The following ZMYM1 variants were observed in gnomAD, a reference collection of about 807,000 sequenced individuals.
The protein encoded by ZMYM1 is zinc finger MYM-type protein 1.
A neutral mutation model predicts 60.0 loss-of-function variants in ZMYM1; 39 were observed. The observed-to-expected ratio is 0.65, with a 90% confidence interval of 0.50 to 0.85. The LOEUF (loss-of-function observed/expected upper bound fraction) is 0.85. Ranked by LOEUF, ZMYM1 falls within the 40% of genes least tolerant of loss-of-function variation. The pLI is 0.00. For synonymous variants in ZMYM1, 413 were observed against 454.0 expected (o/e 0.91, Z 1.15); for missense variants, 1,171 against 1,309.5 (o/e 0.89, Z 1.63).
At chr1:35,075,187 T>G (rs1404301385), upstream of ZMYM1, among the ~76,000 whole-genome samples, 9 of 152,230 alleles carry the variant, frequency 5.9e-5, no homozygotes, top group Non-Finnish European at 1.3e-4. Context: ...CTATTTTATC[T>G]GATATAAGTG....
In ZMYM1 at chr1:35,086,661, A is replaced by AT. The variant is rs930887140; in HGVS notation, c.-75+7228dup. Among the ~76,000 whole-genome samples, 6 of 150,124 alleles carry AT rather than the reference A, an allele frequency of 4.0e-5. No homozygotes were observed. The East Asian group carries it at 7.8e-4, about 20-fold the overall frequency. On this transcript the variant is annotated intron_variant, in intron 1 of 9. Coordinates refer to ENST00000359858, the MANE Select transcript of ZMYM1 (RefSeq NM_024772.5). ...TTATATTTCATTGAAATCTCATGCA[A>AT]TTTTTTTTTCAATTAAAAAATTCTT...
intron 1 of ZMYM1, among the ~76,000 whole-genome samples, chr1:35,073,686 G>T (rs751442494): frequency 2.7e-5 from 4 of 150,158 alleles, no homozygotes; most frequent in African/African-American, 7.3e-5. Flanking sequence ...AGAAAGGAAG[G>T]AAGGAAAGGA....
chr1:35,101,574 A>G (rs918043966), intron 4 of ZMYM1, among the ~76,000 whole-genome samples: 5 of 150,712 alleles, frequency 3.3e-5, no homozygotes, highest in Admixed American at 2.7e-4. Context: ...TCTGAAAGGT[A>G]TGCCTCAAAT....
intron 1 of ZMYM1, among the ~76,000 whole-genome samples, chr1:35,084,808 C>T (rs939919192): frequency 6.6e-6 from 1 of 152,062 alleles, no homozygotes; most frequent in African/African-American, 2.4e-5. Context: ...GATTTCTATG[C>T]ATATTATTTT....
At chr1:35,110,150 G>A (rs1488155173) in intron 6 of ZMYM1, 144 bp from the exon 7 acceptor site, 1 of 514,524 alleles carries the variant, frequency 1.9e-6, no homozygotes. Flanking sequence ...ATTGCAATCT[G>A]TAGTGTCTTT....
downstream of ZMYM1, among the ~76,000 whole-genome samples, chr1:35,118,117 T>C (rs1023905692): frequency 1.1e-4 from 17 of 151,800 alleles, no homozygotes; most frequent in African/African-American, 3.9e-4. Flanking sequence ...GGTGGGTGCC[T>C]GTAATTCCAG....
chr1:35,111,237 G>T (rs1404667160), intron 7 of ZMYM1, among the ~76,000 whole-genome samples: 1 of 152,178 alleles, frequency 6.6e-6, no homozygotes, highest in Non-Finnish European at 1.5e-5. Flanking sequence ...AGCCAACTAA[G>T]TATTCCATCA....
rs774716533 is a variant in ZMYM1, at chr1:35,114,508, T to C, written c.2678T>C (p.Ile893Thr). 1.9e-6 allele frequency: 3 copies of C among 1,610,834 alleles called. No homozygotes were observed. The highest frequency in any genetic ancestry group is 2.2e-5 in the East Asian group (1 of 44,806). Residue 893 changes from isoleucine to threonine, a missense_variant, in exon 10 of 10, where the codon ATA becomes ACA. By Grantham distance (89) the Ile-to-Thr change is moderately conservative. Transcript: ENST00000359858. Reference protein sequence around the residue: ...TIDIFSLSSKIEAILECLSSE... With the variant: ...TIDIFSLSSKTEAILECLSSE... ...GACATTTTTTCTTTGTCTTCAAAAA[T>C]AGAAGCAATTTTGGAATGTTTATCA...
intron 1 of ZMYM1, among the ~76,000 whole-genome samples, chr1:35,081,107 A>G (rs992743202): frequency 6.6e-6 from 1 of 151,954 alleles, no homozygotes; most frequent in Non-Finnish European, 1.5e-5. Flanking sequence ...ATTTTTGTTT[A>G]GTAGAGACAG....
At chr1:35,068,636 AC>A (rs1642016350) in intron 1 of ZMYM1, among the ~76,000 whole-genome samples, 1 of 143,486 alleles carries the variant, frequency 7.0e-6, no homozygotes, top group Admixed American at 6.8e-5. Flanking sequence ...GGAAATCCAT[AC>A]GCAAAAAAAA....
At chr1:35,102,027 ATTGTT>A (rs983281298) in intron 4 of ZMYM1, among the ~76,000 whole-genome samples, 3 of 152,200 alleles carry the variant, frequency 2.0e-5, no homozygotes, top group African/African-American at 7.2e-5. Flanking sequence ...ATTGATAAGT[ATTGTT>A]TTATCAGTTT....
Position 35,113,397 on chromosome 1 carries a change from T to C in ZMYM1, c.1567T>C (p.Leu523=), listed in dbSNP as rs367901238. 26 of 1,613,710 alleles carry C rather than the reference T, an allele frequency of 1.6e-5. No individual in the cohort carries two copies. In the African/African-American group the frequency reaches 2.5e-4, roughly 16 times the overall value. ...HEKSEMHLKS[L]EFWREYQFCD... is the part of the protein sequence containing the mutation. The stretch of plus-strand genomic sequence containing the variant: ...AAAAAGTGAAATGCATTTGAAGTCA[T>C]TGGAATTTTGGAGAGAATACCAATT... Residue 523 remains leucine (L), a synonymous_variant, in exon 10 of 10, where the codon TTG becomes CTG. Transcript: ENST00000359858.
At chr1:35,075,333 G>GT (rs1232702847), upstream of ZMYM1, among the ~76,000 whole-genome samples, 2 of 151,560 alleles carry the variant, frequency 1.3e-5, no homozygotes, top group South Asian at 2.1e-4. Flanking sequence ...CTTTTTTGTT[G>GT]TTTTTTGTTT....
At chr1:35,089,084 T>G (rs543475678) in intron 1 of ZMYM1, among the ~76,000 whole-genome samples, 2 of 152,184 alleles carry the variant, frequency 1.3e-5, no homozygotes, top group East Asian at 3.9e-4. Context: ...AGCGCAGGGA[T>G]TTCAGGCATG....
In ZMYM1 at chr1:35,088,968, C is replaced by A. The variant is rs576069709; in HGVS notation, c.-74-4946C>A. Among the ~76,000 whole-genome samples the A allele has an allele frequency of 6.6e-5, 10 of 151,874 alleles. No individual in the cohort carries two copies. The South Asian group carries it at 1.9e-3, about 29-fold the overall frequency. On this transcript the variant is annotated intron_variant, in intron 1 of 9. Transcript: ENST00000359858. ...CTGGGATTACAGGCGCCCACCACCACGCCCGGCTAATTTTTTGTATTTTTT... is the reference window on the plus strand; with the variant it reads ...CTGGGATTACAGGCGCCCACCACCAAGCCCGGCTAATTTTTTGTATTTTTT...
upstream of ZMYM1, among the ~76,000 whole-genome samples, chr1:35,076,670 C>T (rs1357563773): frequency 2.0e-5 from 3 of 151,232 alleles, no homozygotes; most frequent in Non-Finnish European, 2.9e-5. Context: ...CGTTGACTCA[C>T]GCCTGTAATC....
Position 35,112,081 on chromosome 1 carries a change from T to G in ZMYM1, c.1103-6T>G. On this transcript the variant is annotated splice_region_variant and splice_polypyrimidine_tract_variant and intron_variant, in intron 8 of 9. Transcript: ENST00000359858. Reference sequence around the variant, plus strand: ...AAGATCTTGAATTTATGCTCTATTTTAACAGATACAGTTTCTTCAGTAACA... The same window carrying G: ...AAGATCTTGAATTTATGCTCTATTTGAACAGATACAGTTTCTTCAGTAACA... The G allele has an allele frequency of 1.9e-6, 3 of 1,612,634 alleles. No homozygotes were observed. The highest frequency in any genetic ancestry group is 2.5e-6 in the Non-Finnish European group (3 of 1,179,334).
At chr1:35,105,126 C>CTTTTTTTT (rs1029051953) in intron 6 of ZMYM1, among the ~76,000 whole-genome samples, 37 of 96,538 alleles carry the variant, frequency 3.8e-4, no homozygotes, top group African/African-American at 4.7e-4. Context: ...TTATTTCTTT[C>CTTTTTTTT]TTTTTTTTTT....
At chr1:35,096,553 A>T (rs1283777162) in intron 3 of ZMYM1, among the ~76,000 whole-genome samples, 2 of 143,378 alleles carry the variant, frequency 1.4e-5, no homozygotes, top group African/African-American at 5.2e-5. Flanking sequence ...TTTTTCTGAG[A>T]TGGAGTTTCC....
Sources: gnomAD v4.1 joint callset for allele counts (sites outside exome capture counted in the v4.1 genomes callset) on GRCh38, gnomAD v4.1.1 for gene constraint, MANE v1.5 for transcripts, NCBI Gene and HGNC (gene_info 2026-07-23, HGNC 2026-07-21) for gene names.